The following PDE1C variants were observed in gnomAD, a reference collection of about 807,000 sequenced individuals.
The protein encoded by PDE1C is dual specificity calcium/calmodulin-dependent 3',5'-cyclic nucleotide phosphodiesterase 1C.
PDE1C carries 62 observed loss-of-function variants against 93.1 expected under a neutral mutation model. That is an observed-to-expected ratio of 0.67 (90% CI 0.54 to 0.82). The LOEUF is 0.82. Ranked by LOEUF, PDE1C falls within the 40% of genes least tolerant of loss-of-function variation. The pLI is 0.00. For missense variants in PDE1C, 742 were observed against 884.6 expected (o/e 0.84, Z 2.04); for synonymous variants, 325 against 310.1 (o/e 1.05, Z -0.50).
intron 1 of PDE1C, among the ~76,000 whole-genome samples, chr7:32,357,277 T>C (rs1021477923): frequency 2.0e-5 from 3 of 150,976 alleles, no homozygotes; most frequent in Non-Finnish European, 4.4e-5. Flanking sequence ...GAGCTTGCAG[T>C]GAGCAGAGAT....
At chr7:31,776,161 T>C (rs1782944871) in intron 16 of PDE1C, among the ~76,000 whole-genome samples, 1 of 152,156 alleles carries the variant, frequency 6.6e-6, no homozygotes. Flanking sequence ...AGTTCTGATT[T>C]AGAATGAGGG....
chr7:32,254,252 G>A (rs991578690), intron 1 of PDE1C, among the ~76,000 whole-genome samples: 5 of 152,198 alleles, frequency 3.3e-5, no homozygotes, highest in Non-Finnish European at 7.3e-5. Flanking sequence ...AACAGGATGA[G>A]ACTCTGAGGG....
At chr7:32,170,974 T>C (rs1402152474) in intron 2 of PDE1C, among the ~76,000 whole-genome samples, 2 of 152,156 alleles carry the variant, frequency 1.3e-5, no homozygotes, top group Admixed American at 6.5e-5. Flanking sequence ...CCCCCTGAAG[T>C]CATTCAAACT....
intron 3 of PDE1C, among the ~76,000 whole-genome samples, chr7:32,077,299 C>A (rs1156970466): frequency 6.6e-6 from 1 of 152,104 alleles, no homozygotes; most frequent in Non-Finnish European, 1.5e-5. Context: ...ATTGGAGGTT[C>A]TCATAAAATA....
At chr7:31,619,992 GTC>G in the PDE1C span, among the ~76,000 whole-genome samples, 1 of 152,198 alleles carries the variant, frequency 6.6e-6, no homozygotes, top group Non-Finnish European at 1.5e-5. Context: ...CGCCCACGGA[GTC>G]TCGCTGATTG....
chr7:32,327,673 G>GGCAGGAGAATTGCTTGACC (rs1463846978), intron 1 of PDE1C, among the ~76,000 whole-genome samples: 8 of 151,622 alleles, frequency 5.3e-5, no homozygotes, highest in Non-Finnish European at 1.2e-4. Flanking sequence ...AGGAGGCTGA[G>GGCAGGAGAATTGCTTGACC]GCAGGAGAAT....
chr7:31,931,161 C>A (rs560039990), intron 2 of PDE1C, among the ~76,000 whole-genome samples: 1 of 152,184 alleles, frequency 6.6e-6, no homozygotes, highest in South Asian at 2.1e-4. Context: ...GGAAGCATTC[C>A]CTTTGAAAAC....
At chr7:31,657,206 T>C in the PDE1C span, among the ~76,000 whole-genome samples, 1 of 13,086 alleles carries the variant, frequency 7.6e-5, no homozygotes, top group Middle Eastern at 0.025. Flanking sequence ...TCAAAAAGAC[T>C]GTAAGTTGTC....
At chr7:32,092,923 A>C (rs17160883) in intron 3 of PDE1C, among the ~76,000 whole-genome samples, 8,379 of 152,286 alleles carry the variant, frequency 0.055, 764 homozygotes, top group African/African-American at 0.19. Context: ...CAATTGGCCC[A>C]AAGTGATCCA....
chr7:31,974,082 T>C (rs970811767), intron 2 of PDE1C, among the ~76,000 whole-genome samples: 1 of 152,214 alleles, frequency 6.6e-6, no homozygotes, highest in African/African-American at 2.4e-5. Flanking sequence ...GTGTGGGCAA[T>C]GTTTTTTTCT....
chr7:32,292,050 C>G (rs1812366165), intron 1 of PDE1C, among the ~76,000 whole-genome samples: 1 of 152,132 alleles, frequency 6.6e-6, no homozygotes, highest in African/African-American at 2.4e-5. Context: ...ATTTATTAAC[C>G]TACCAATAAT....
chr7:32,041,761 C>T (rs1020072905), intron 2 of PDE1C, among the ~76,000 whole-genome samples: 5 of 152,162 alleles, frequency 3.3e-5, no homozygotes, highest in African/African-American at 4.8e-5. Context: ...CTTTCAATCA[C>T]ATTACTTAAA....
chr7:31,978,201 C>G (rs780398282), intron 2 of PDE1C, among the ~76,000 whole-genome samples: 6 of 152,150 alleles, frequency 3.9e-5, no homozygotes, highest in Non-Finnish European at 7.3e-5. Context: ...ACAGGGATAA[C>G]CTGGTGAGGA....
chr7:31,849,265 CATAT>C (rs1409966918), intron 8 of PDE1C, among the ~76,000 whole-genome samples: 1 of 152,206 alleles, frequency 6.6e-6, no homozygotes, highest in Non-Finnish European at 1.5e-5. Context: ...GCAAGACCCA[CATAT>C]GTTCAACCCA....
At chr7:32,132,974 A>T (rs1462489783) in intron 3 of PDE1C, among the ~76,000 whole-genome samples, 1 of 152,138 alleles carries the variant, frequency 6.6e-6, no homozygotes, top group Non-Finnish European at 1.5e-5. Context: ...ATTTACTAAG[A>T]TAGGGAATAT....
chr7:31,952,088 G>C (rs1807449930), intron 2 of PDE1C, among the ~76,000 whole-genome samples: 1 of 152,124 alleles, frequency 6.6e-6, no homozygotes, highest in African/African-American at 2.4e-5. Context: ...TTGAGACTCA[G>C]TAATGTTAAC....
chr7:31,652,296 T>C, the PDE1C span, among the ~76,000 whole-genome samples: 1 of 152,080 alleles, frequency 6.6e-6, no homozygotes, highest in Non-Finnish European at 1.5e-5. Context: ...CATAGAGAAG[T>C]CCTATTAGCC....
chr7:32,264,854 C>G (rs1407409599), intron 1 of PDE1C, among the ~76,000 whole-genome samples: 2 of 152,214 alleles, frequency 1.3e-5, no homozygotes, highest in Admixed American at 1.3e-4. Context: ...GCCTCTTGCA[C>G]TTCTCCTTTC....
chr7:31,759,722 T>A (rs1583955216), intron 17 of PDE1C, among the ~76,000 whole-genome samples: 1 of 152,346 alleles, frequency 6.6e-6, no homozygotes, highest in East Asian at 1.9e-4. Flanking sequence ...TGCTCCATGT[T>A]TGATTTTCAT....
Sources: allele counts gnomAD v4.1 joint callset (sites outside exome capture counted in the v4.1 genomes callset), GRCh38; gene constraint gnomAD v4.1.1; transcripts MANE v1.5; gene names NCBI Gene and HGNC (gene_info 2026-07-23, HGNC 2026-07-21).